SCAPER: variants seen among roughly 807,000 people sequenced by gnomAD.
SCAPER encodes the protein S phase cyclin A-associated protein in the endoplasmic reticulum.
Under a neutral mutation model 182.2 loss-of-function variants are expected in SCAPER, and 98 were observed. The ratio of observed to expected loss-of-function variants is 0.54; its 90% CI spans 0.46 to 0.64. The LOEUF is 0.64. Among genes scored for constraint, SCAPER ranks in the 30% least tolerant of loss-of-function variants. The pLI, the probability that SCAPER is intolerant of heterozygous loss-of-function variation, is 0.00. For missense variants in SCAPER, 1,432 were observed against 1,690.0 expected, an observed-to-expected ratio of 0.85 and a Z score of 2.68; for synonymous variants, 605 against 564.6, an observed-to-expected ratio of 1.07 and a Z score of -1.01.
chr15:76,434,365 C>A, intron 25 of SCAPER, 55 bp from the exon 26 acceptor site: 1 of 1,245,002 alleles, frequency 8.0e-7, no homozygotes. Context: ...CAAAAATGGG[C>A]AGAGACAGTT....
At chr15:76,663,751 T>C (rs1312996884) in intron 21 of SCAPER, among the ~76,000 whole-genome samples, 1 of 152,028 alleles carries the variant, frequency 6.6e-6, no homozygotes, top group Non-Finnish European at 1.5e-5. Context: ...TATGGGGAAA[T>C]GAAAATGTTC....
At chr15:76,671,781 A>G (rs2057033911) in intron 20 of SCAPER, among the ~76,000 whole-genome samples, 1 of 151,896 alleles carries the variant, frequency 6.6e-6, no homozygotes, top group South Asian at 2.1e-4. Flanking sequence ...AAAAAAAAAA[A>G]GAAGTGAGGG....
chr15:76,650,113 C>T (rs1170682869), intron 21 of SCAPER, among the ~76,000 whole-genome samples: 1 of 151,986 alleles, frequency 6.6e-6, no homozygotes, highest in Non-Finnish European at 1.5e-5. Context: ...AACTGAAATA[C>T]TATAATATTA....
intron 15 of SCAPER, among the ~76,000 whole-genome samples, chr15:76,741,435 C>T (rs2061531825): frequency 1.3e-5 from 2 of 151,522 alleles, no homozygotes; most frequent in African/African-American, 4.9e-5. Context: ...ATAAAAAGTC[C>T]CTGAAGGTTT....
In SCAPER at chr15:76,891,217, C is replaced by T. The variant is rs540968375; in HGVS notation, c.-59-7341G>A. On this transcript the variant is annotated intron_variant, in intron 1 of 31. Coordinates refer to ENST00000563290, the MANE Select transcript of SCAPER (RefSeq NM_020843.4). ...GACAAACCCATAGCCAAGATCATAC[C>T]GAATGGGCAAAAACTGGAAGCACTC... Among the ~76,000 whole-genome samples the T allele has an allele frequency of 6.6e-5, 10 of 152,162 alleles. No individual in the cohort carries two copies. The South Asian group carries it at 1.5e-3, about 22-fold the overall frequency.
intron 20 of SCAPER, among the ~76,000 whole-genome samples, chr15:76,694,382 T>G (rs1019185894): frequency 6.6e-6 from 1 of 152,132 alleles, no homozygotes; most frequent in Non-Finnish European, 1.5e-5. Flanking sequence ...TAATTTCTTT[T>G]TCAGAAAGTT....
Position 76,434,266 on chromosome 15 carries a change from T to C in SCAPER, c.3123A>G (p.Thr1041=). The C allele has an allele frequency of 6.2e-7, 1 of 1,613,664 alleles. No individual in the cohort carries two copies. The highest frequency in any genetic ancestry group is 8.5e-7 in the Non-Finnish European group (1 of 1,179,706). ...DENNTILGRN[T]NKQVFEGLTT... is the part of the protein sequence containing the mutation. ...TCAAGCCTTCAAAAACTTGTTTATT[T>C]GTATTTCTCCCCAAAATAGTATTAT... The change falls in exon 26 of 32, where the codon ACA becomes ACG. Residue 1041 remains threonine (T), a synonymous_variant. Coordinates refer to ENST00000563290, the MANE Select transcript of SCAPER (RefSeq NM_020843.4).
intron 16 of SCAPER, 47 bp downstream of exon 16, chr15:76,733,182 A>G (rs2061029062): frequency 6.5e-7 from 1 of 1,535,804 alleles, no homozygotes; most frequent in Non-Finnish European, 8.8e-7. Flanking sequence ...GGACCCTACA[A>G]ATATGACAGG....
chr15:76,545,717 AG>A (rs1231841123), intron 23 of SCAPER, among the ~76,000 whole-genome samples: 1 of 152,132 alleles, frequency 6.6e-6, no homozygotes, highest in Non-Finnish European at 1.5e-5. Flanking sequence ...GGAGATGCAA[AG>A]GACAGTGGTC....
At chr15:76,587,022 T>C (rs1288573886) in intron 22 of SCAPER, among the ~76,000 whole-genome samples, 3 of 152,124 alleles carry the variant, frequency 2.0e-5, no homozygotes, top group South Asian at 2.1e-4. Flanking sequence ...TAATTCTTCC[T>C]GATTTAAGCT....
At chr15:76,900,235 A>G (rs542547976) in intron 1 of SCAPER, among the ~76,000 whole-genome samples, 35 of 151,968 alleles carry the variant, frequency 2.3e-4, no homozygotes, top group African/African-American at 8.4e-4. Flanking sequence ...TAGGAAAACC[A>G]GAGACCTTTG....
chr15:76,551,108 CAGGAACATAAATT>C (rs140652039), intron 23 of SCAPER, among the ~76,000 whole-genome samples: 60,377 of 151,766 alleles, frequency 0.4, 14,167 homozygotes, highest in Middle Eastern at 0.54. Context: ...ACACTGTTGG[CAGGAACATAAATT>C]AGTAGAGCCA....
At chr15:76,718,583 G>C (rs2060017037) in intron 17 of SCAPER, among the ~76,000 whole-genome samples, 2 of 151,696 alleles carry the variant, frequency 1.3e-5, no homozygotes, top group Admixed American at 6.6e-5. Flanking sequence ...GGAGGCTGCA[G>C]TGAGCCAAAA....
chr15:76,883,711 G>A, intron 2 of SCAPER, 101 bp downstream of exon 2: 1 of 942,048 alleles, frequency 1.1e-6, no homozygotes. Context: ...GTGTTCCATA[G>A]GGTATCTTGA....
intron 23 of SCAPER, among the ~76,000 whole-genome samples, chr15:76,571,911 A>T (rs1239609976): frequency 2.0e-5 from 3 of 152,158 alleles, no homozygotes; most frequent in Non-Finnish European, 4.4e-5. Flanking sequence ...TCATAAAGTG[A>T]GTGTGTGTCT....
chr15:76,647,890 T>A (rs1166743498), intron 21 of SCAPER, among the ~76,000 whole-genome samples: 1 of 152,158 alleles, frequency 6.6e-6, no homozygotes, highest in Non-Finnish European at 1.5e-5. Context: ...GATTAAAGGT[T>A]ACTCTATGTC....
intron 17 of SCAPER, among the ~76,000 whole-genome samples, chr15:76,715,689 T>C (rs2059855185): frequency 6.6e-6 from 1 of 152,054 alleles, no homozygotes; most frequent in Admixed American, 6.6e-5. Context: ...TGTTACCCAG[T>C]TGGTTCTGGA....
chr15:76,798,106 T>C (rs945154403), intron 7 of SCAPER, among the ~76,000 whole-genome samples: 1 of 152,098 alleles, frequency 6.6e-6, no homozygotes, highest in Non-Finnish European at 1.5e-5. Flanking sequence ...GTACCTGTAA[T>C]CCTAGCACAT....
At chr15:76,563,075 A>C (rs188589081) in intron 23 of SCAPER, among the ~76,000 whole-genome samples, 45 of 152,306 alleles carry the variant, frequency 3.0e-4, no homozygotes, top group Non-Finnish European at 6.2e-4. Context: ...AAGAAAAGGA[A>C]GTCGCTTCTT....
Sources: gnomAD v4.1 joint callset for allele counts (sites outside exome capture counted in the v4.1 genomes callset) on GRCh38, gnomAD v4.1.1 for gene constraint, MANE v1.5 for transcripts, NCBI Gene and HGNC (gene_info 2026-07-23, HGNC 2026-07-21) for gene names.